DAB1: variants seen among roughly 807,000 people sequenced by gnomAD.
DAB1 encodes disabled homolog 1.
A neutral mutation model predicts 64.6 loss-of-function variants in DAB1; 15 were observed. The observed-to-expected ratio is 0.23, with a 90% CI of 0.16 to 0.36. The LOEUF (loss-of-function observed/expected upper bound fraction) is 0.36. DAB1 is among the 10% of genes least tolerant of loss of function. The pLI is 1.00. For synonymous variants in DAB1, 235 were observed against 251.9 expected (o/e 0.93, Z 0.64); for missense variants, 596 against 706.7 (o/e 0.84, Z 1.78).
At chr1:58,164,436 T>C (rs1312256508) in intron 4 of DAB1, among the ~76,000 whole-genome samples, 1 of 152,164 alleles carries the variant, frequency 6.6e-6, no homozygotes, top group Non-Finnish European at 1.5e-5. Flanking sequence ...CAAAAACATC[T>C]CTCTGATCTG....
At chr1:57,281,240 G>A (rs1330285385) in intron 2 of DAB1, among the ~76,000 whole-genome samples, 1 of 152,114 alleles carries the variant, frequency 6.6e-6, no homozygotes, top group Non-Finnish European at 1.5e-5. Context: ...TTAAATAATG[G>A]AGAAAATGCA....
At chr1:57,835,287 C>A (rs1032773313) in intron 1 of DAB1, among the ~76,000 whole-genome samples, 1 of 152,092 alleles carries the variant, frequency 6.6e-6, no homozygotes, top group African/African-American at 2.4e-5. Context: ...AGCCAGGAAA[C>A]CATGTCTAGG....
intron 3 of DAB1, among the ~76,000 whole-genome samples, chr1:58,470,707 C>T (rs528917040): frequency 2.6e-5 from 4 of 152,270 alleles, no homozygotes; most frequent in East Asian, 1.9e-4. Context: ...ATTTGCATCT[C>T]GCACGCAGTC....
intron 5 of DAB1, among the ~76,000 whole-genome samples, chr1:58,015,988 A>T (rs1646732777): frequency 6.6e-6 from 1 of 151,672 alleles, no homozygotes; most frequent in South Asian, 2.1e-4. Context: ...TGCAGTGATG[A>T]AGGGACACAA....
chr1:58,538,486 A>C (rs1042576044), intron 1 of DAB1, among the ~76,000 whole-genome samples: 7 of 149,278 alleles, frequency 4.7e-5, no homozygotes. Context: ...TGTAGTCATA[A>C]ATATAAGATT....
intron 7 of DAB1, among the ~76,000 whole-genome samples, chr1:57,585,975 G>A (rs934418623): frequency 6.6e-6 from 1 of 152,116 alleles, no homozygotes; most frequent in Non-Finnish European, 1.5e-5. Context: ...TTTCAACTGT[G>A]GGATGAAGAG....
At chr1:58,148,373 G>T (rs371470824) in intron 5 of DAB1, among the ~76,000 whole-genome samples, 1 of 152,116 alleles carries the variant, frequency 6.6e-6, no homozygotes, top group Non-Finnish European at 1.5e-5. Context: ...ACTGCCAACC[G>T]CTACCCACTG....
At chr1:57,787,886 A>G (rs1399609005) in intron 6 of DAB1, among the ~76,000 whole-genome samples, 1 of 152,150 alleles carries the variant, frequency 6.6e-6, no homozygotes, top group African/African-American at 2.4e-5. Flanking sequence ...AAAGATGAGA[A>G]TACCAAATAA....
intron 9 of DAB1, among the ~76,000 whole-genome samples, chr1:57,043,064 A>G (rs1487828780): frequency 6.6e-6 from 1 of 152,152 alleles, no homozygotes; most frequent in Non-Finnish European, 1.5e-5. Context: ...TAGCCCTACT[A>G]ATATCTGGAT....
chr1:57,415,555 T>A (rs1684434176), intron 1 of DAB1, among the ~76,000 whole-genome samples: 1 of 152,162 alleles, frequency 6.6e-6, no homozygotes, highest in African/African-American at 2.4e-5. Flanking sequence ...TAAATAACCT[T>A]TTTGCATTTA....
At chr1:57,431,143 C>CACAAAAAAAAAAAAAAAAAAAAAAA (rs749097562) in intron 7 of DAB1, among the ~76,000 whole-genome samples, 1 of 96,400 alleles carries the variant, frequency 1.0e-5, no homozygotes, top group African/African-American at 3.7e-5. Context: ...AGGCCAAAAA[C>CACAAAAAAAAAAAAAAAAAAAAAAA]AAAAAAAAAA....
intron 1 of DAB1, among the ~76,000 whole-genome samples, chr1:57,834,352 T>C (rs966425017): frequency 2.6e-5 from 4 of 152,220 alleles, no homozygotes; most frequent in African/African-American, 4.8e-5. Flanking sequence ...GGCTAACTAA[T>C]ATAAGGAGAA....
chr1:57,261,192 C>A (rs1670155857), intron 2 of DAB1, among the ~76,000 whole-genome samples: 1 of 152,108 alleles, frequency 6.6e-6, no homozygotes, highest in African/African-American at 2.4e-5. Context: ...CCACCCCAAC[C>A]TCCGCAAGAA....
intron 3 of DAB1, among the ~76,000 whole-genome samples, chr1:58,500,748 C>G (rs1645893279): frequency 1.3e-5 from 2 of 151,918 alleles, no homozygotes; most frequent in Non-Finnish European, 2.9e-5. Context: ...TTCTCCATAC[C>G]CTTCACCCAA....
chr1:57,537,954 A>C (rs2691443), intron 7 of DAB1, among the ~76,000 whole-genome samples: 144,253 of 152,010 alleles, frequency 0.95, 68,872 homozygotes, highest in East Asian at 1. Context: ...GGGGGCATGC[A>C]AGGCTTTTTT....
chr1:57,259,911 T>C (rs560715005), intron 2 of DAB1, among the ~76,000 whole-genome samples: 2 of 152,208 alleles, frequency 1.3e-5, no homozygotes, highest in Non-Finnish European at 2.9e-5. Context: ...TCTTATTTGC[T>C]AATTTTCTGA....
intron 6 of DAB1, among the ~76,000 whole-genome samples, chr1:57,815,111 G>A (rs1651794946): frequency 6.6e-6 from 1 of 151,068 alleles, no homozygotes; most frequent in South Asian, 2.1e-4. Context: ...TCGCTCTGTT[G>A]CCCAGGCTGG....
chr1:58,004,925 C>A (rs1480890225), intron 5 of DAB1, among the ~76,000 whole-genome samples: 1 of 152,140 alleles, frequency 6.6e-6, no homozygotes, highest in Non-Finnish European at 1.5e-5. Flanking sequence ...TTCTCTAATA[C>A]AGTTACACTT....
At chr1:57,996,582 T>C (rs1646428603) in intron 5 of DAB1, among the ~76,000 whole-genome samples, 1 of 152,172 alleles carries the variant, frequency 6.6e-6, no homozygotes, top group Non-Finnish European at 1.5e-5. Flanking sequence ...GCTGTTTTTA[T>C]AGATGTCAAA....
Sources: gnomAD v4.1 joint callset for allele counts (sites outside exome capture counted in the v4.1 genomes callset) on GRCh38, gnomAD v4.1.1 for gene constraint, MANE v1.5 for transcripts, NCBI Gene and HGNC (gene_info 2026-07-23, HGNC 2026-07-21) for gene names.